Variants in TYW1B observed in about 807,000 individuals in gnomAD.
The protein encoded by TYW1B is tRNA-yW synthesizing protein 1 homolog B.
In TYW1B, 73 loss-of-function variants were observed where a neutral mutation model predicts 86.9. The observed-to-expected ratio is 0.84, with a 90% CI of 0.70 to 1.02. The LOEUF (loss-of-function observed/expected upper bound fraction) is 1.02, where lower values mean the gene tolerates loss of function less well. Among genes scored for constraint, TYW1B ranks in the 50% least tolerant of loss-of-function variants. The pLI is 0.00. For missense variants in TYW1B, 637 were observed against 827.4 expected, an observed-to-expected ratio of 0.77 and a Z score of 2.82; for synonymous variants, 248 against 292.8, an observed-to-expected ratio of 0.85 and a Z score of 1.56.
chr7:72,750,552 T>C (rs1213273886), intron 7 of TYW1B, among the ~76,000 whole-genome samples: 2 of 152,170 alleles, frequency 1.3e-5, no homozygotes, highest in Non-Finnish European at 2.9e-5. Flanking sequence ...ATTCTTTTGG[T>C]TTTATCCTGT....
rs190651156 is a variant in TYW1B at position 72,644,177 on chromosome 7, C to A, written c.1507-15180G>T. Among the ~76,000 whole-genome samples, 40 of 152,228 alleles carry A rather than the reference C, an allele frequency of 2.6e-4. 2 individuals carry two copies. The highest frequency in any genetic ancestry group is 2.6e-3 in the Admixed American group (40 of 15,296). ...GCAAAAAAATGATATGATAAAAACCCAATAGCCATTGATAATAGATAGTCA... is the reference window on the plus strand; with the variant it reads ...GCAAAAAAATGATATGATAAAAACCAAATAGCCATTGATAATAGATAGTCA... On this transcript the variant is annotated intron_variant, in intron 11 of 13. Transcript: ENST00000620995.
intron 11 of TYW1B, among the ~76,000 whole-genome samples, chr7:72,635,467 G>C (rs1242213085): frequency 6.6e-6 from 1 of 152,152 alleles, no homozygotes; most frequent in Non-Finnish European, 1.5e-5. Flanking sequence ...AGTGGGTAAA[G>C]GCCAGGGCTG....
At chr7:72,771,415 T>TATAG (rs2129571897) in intron 7 of TYW1B, among the ~76,000 whole-genome samples, 1 of 152,316 alleles carries the variant, frequency 6.6e-6, no homozygotes, top group African/African-American at 2.4e-5. Flanking sequence ...AGTTGGTGAA[T>TATAG]ATAGGTTCTA....
intron 11 of TYW1B, among the ~76,000 whole-genome samples, chr7:72,636,412 A>G (rs1292610459): frequency 3.3e-5 from 5 of 152,216 alleles, no homozygotes; most frequent in African/African-American, 1.2e-4. Flanking sequence ...CTTTCCAATC[A>G]TAACTTTTTC....
At chr7:72,799,212 G>A (rs1788361724) in intron 6 of TYW1B, among the ~76,000 whole-genome samples, 1 of 132,580 alleles carries the variant, frequency 7.5e-6, no homozygotes, top group Non-Finnish European at 1.5e-5. Context: ...AGGCTTGAAT[G>A]CAGCGGCATG....
rs566364624 is a variant in TYW1B, at chr7:72,766,379, C to A, written c.964+11037G>T. Among the ~76,000 whole-genome samples the A allele has an allele frequency of 1.5e-4, 23 of 151,970 alleles. No homozygotes were observed. In the South Asian group the frequency reaches 3.7e-3, roughly 25 times the overall value. ...GCCTATAATCCCACCTTTGGGAGGC[C>A]AAGGCGGGTGGATCACTTGAGGTCA... On this transcript the variant is annotated intron_variant, in intron 7 of 13. Coordinates refer to ENST00000620995, the MANE Select transcript of TYW1B (RefSeq NM_001145440.3).
intron 7 of TYW1B, among the ~76,000 whole-genome samples, chr7:72,744,948 G>T (rs1473239347): frequency 2.6e-5 from 4 of 152,200 alleles, no homozygotes; most frequent in Non-Finnish European, 5.9e-5. Context: ...AAAAATGGGG[G>T]CTGTCTGCCT....
chr7:72,703,020 ATATATAT>A (rs1228927808), intron 10 of TYW1B, among the ~76,000 whole-genome samples: 1,835 of 10,098 alleles, frequency 0.18, 56 homozygotes, highest in South Asian at 0.24. Flanking sequence ...ATATATATAT[ATATATAT>A]TTTTTTTTTT....
chr7:72,576,765 G>A (rs1811032094), intron 13 of TYW1B, among the ~76,000 whole-genome samples: 1 of 151,776 alleles, frequency 6.6e-6, no homozygotes. Flanking sequence ...GCCGGCCTCG[G>A]CCTCCCAAAG....
chr7:72,818,943 C>G (rs1444107911), intron 2 of TYW1B, among the ~76,000 whole-genome samples: 6 of 152,088 alleles, frequency 3.9e-5, no homozygotes, highest in Non-Finnish European at 8.8e-5. Context: ...ACACTGGGGA[C>G]TACGATTCGA....
chr7:72,728,941 AGAC>A lies in TYW1B; in HGVS notation c.1083-13_1083-11del, dbSNP rs1258751511. On this transcript the variant is annotated splice_polypyrimidine_tract_variant and intron_variant, in intron 8 of 13. Transcript: ENST00000620995. ...AGGGTTGTTGTGGTGCCTAGGAACA[AGAC>A]GCAAAGTTCTAAAAGACCCTTCTGT... 1 of 1,612,256 alleles carries A rather than the reference AGAC, an allele frequency of 6.2e-7. No individual in the cohort carries two copies. The highest frequency in any genetic ancestry group is 8.5e-7 in the Non-Finnish European group (1 of 1,178,670).
intron 8 of TYW1B, among the ~76,000 whole-genome samples, chr7:72,734,537 T>C (rs556418698): frequency 3.9e-5 from 6 of 152,152 alleles, no homozygotes; most frequent in Non-Finnish European, 2.9e-5. Flanking sequence ...CTTTAGGACA[T>C]TGGTCTGGGC....
chr7:72,780,355 T>C (rs1788030475), intron 6 of TYW1B, among the ~76,000 whole-genome samples: 2 of 152,230 alleles, frequency 1.3e-5, no homozygotes, highest in Admixed American at 6.5e-5. Context: ...AGCAATTCTA[T>C]ATAGCGAGTC....
At chr7:72,763,904 A>G (rs554944598) in intron 7 of TYW1B, among the ~76,000 whole-genome samples, 1 of 152,228 alleles carries the variant, frequency 6.6e-6, no homozygotes. Context: ...AAGTGATATT[A>G]GATCTTCTTT....
At chr7:72,635,195 G>T (rs1277569671) in intron 11 of TYW1B, among the ~76,000 whole-genome samples, 1 of 152,080 alleles carries the variant, frequency 6.6e-6, no homozygotes, top group Admixed American at 6.6e-5. Context: ...TTAACATATG[G>T]ATAGTCCACT....
chr7:72,583,986 T>G (rs1811215924), intron 13 of TYW1B, among the ~76,000 whole-genome samples: 1 of 152,220 alleles, frequency 6.6e-6, no homozygotes, highest in South Asian at 2.1e-4. Flanking sequence ...AACTGGAAAA[T>G]GACAGAACTA....
chr7:72,770,651 A>T (rs1554469380), intron 7 of TYW1B, among the ~76,000 whole-genome samples: 2 of 152,176 alleles, frequency 1.3e-5, no homozygotes, highest in Non-Finnish European at 2.9e-5. Flanking sequence ...TCTATGACTT[A>T]ACAATTGCAC....
intron 11 of TYW1B, among the ~76,000 whole-genome samples, chr7:72,680,233 T>C (rs1813835994): frequency 6.6e-6 from 1 of 152,032 alleles, no homozygotes; most frequent in Admixed American, 6.6e-5. Flanking sequence ...TTTGAGTCAG[T>C]GGACTGGGAA....
In TYW1B at chr7:72,796,660, A is replaced by C. The variant is rs1191340599; in HGVS notation, c.846+5740T>G. Among the ~76,000 whole-genome samples, 6 of 150,834 alleles carry C rather than the reference A, an allele frequency of 4.0e-5. No individual in the cohort carries two copies. The South Asian group carries it at 1.3e-3, about 32-fold the overall frequency. On this transcript the variant is annotated intron_variant, in intron 6 of 13. Coordinates refer to ENST00000620995, the MANE Select transcript of TYW1B (RefSeq NM_001145440.3). The stretch of plus-strand genomic sequence containing the variant: ...GAGTTGGTTCCTACGTCTTTTTGGC[A>C]GGTGTCCATAAGTCTCTGAGGCCCC...
Sources: allele counts gnomAD v4.1 joint callset (sites outside exome capture counted in the v4.1 genomes callset), GRCh38; gene constraint gnomAD v4.1.1; transcripts MANE v1.5; gene names NCBI Gene and HGNC (gene_info 2026-07-23, HGNC 2026-07-21).